GPCPD1: variants seen among roughly 807,000 people sequenced by gnomAD.
The protein encoded by GPCPD1 is glycerophosphocholine phosphodiesterase 1.
A neutral mutation model predicts 89.2 loss-of-function variants in GPCPD1; 29 were observed. The ratio of observed to expected loss-of-function variants is 0.33; its 90% CI spans 0.24 to 0.44. The LOEUF (loss-of-function observed/expected upper bound fraction) is 0.44. Among genes scored for constraint, GPCPD1 ranks in the 20% least tolerant of loss-of-function variants. GPCPD1 has a pLI of 1.00. For synonymous variants in GPCPD1, 258 were observed against 266.3 expected (o/e 0.97, Z 0.30); for missense variants, 594 against 808.9 (o/e 0.73, Z 3.22).
At chr20:5,605,108 T>C (rs1980489463) in intron 1 of GPCPD1, among the ~76,000 whole-genome samples, 2 of 152,176 alleles carry the variant, frequency 1.3e-5, no homozygotes, top group Admixed American at 1.3e-4. Flanking sequence ...GTTTGAAGCC[T>C]AGTGCTACAA....
intron 19 of GPCPD1, among the ~76,000 whole-genome samples, chr20:5,555,945 A>C (rs1042391192): frequency 1.3e-5 from 2 of 152,194 alleles, no homozygotes; most frequent in Non-Finnish European, 2.9e-5. Flanking sequence ...ATTGTGTAAA[A>C]GGAAGAGTCC....
intron 11 of GPCPD1, among the ~76,000 whole-genome samples, chr20:5,571,593 T>A (rs1427803241): frequency 6.6e-6 from 1 of 152,084 alleles, no homozygotes; most frequent in Non-Finnish European, 1.5e-5. Context: ...CTTAATGAAA[T>A]CCTCTCTCAA....
At chr20:5,581,865 G>A (rs113083128) in intron 6 of GPCPD1, among the ~76,000 whole-genome samples, 6 of 114,958 alleles carry the variant, frequency 5.2e-5, no homozygotes, top group African/African-American at 2.2e-4. Flanking sequence ...AGACAAGTGA[G>A]ACCATGCATT....
chr20:5,597,901 A>G (rs1979843714), intron 3 of GPCPD1, among the ~76,000 whole-genome samples: 1 of 152,216 alleles, frequency 6.6e-6, no homozygotes, highest in Non-Finnish European at 1.5e-5. Flanking sequence ...AAGCTATCTA[A>G]GTATGTGTTC....
At chr20:5,571,646 C>T (rs946671429) in intron 11 of GPCPD1, among the ~76,000 whole-genome samples, 3 of 152,274 alleles carry the variant, frequency 2.0e-5, no homozygotes, top group African/African-American at 7.2e-5. Flanking sequence ...CAGTGGCTCA[C>T]GCCTATAATG....
At chr20:5,595,646 A>G (rs1426140641) in intron 3 of GPCPD1, among the ~76,000 whole-genome samples, 1 of 126,880 alleles carries the variant, frequency 7.9e-6, no homozygotes, top group African/African-American at 4.2e-5. Flanking sequence ...ATCTCAAAAC[A>G]AAAACAAAAA....
chr20:5,567,206 T>A (rs1415065232), intron 13 of GPCPD1, among the ~76,000 whole-genome samples: 2 of 152,202 alleles, frequency 1.3e-5, no homozygotes, highest in East Asian at 3.8e-4. Flanking sequence ...CTAAAGATTA[T>A]GAATGAGAAG....
chr20:5,610,645 C>T (rs1171769784), intron 1 of GPCPD1, among the ~76,000 whole-genome samples, 197 bp downstream of exon 1: 1 of 151,950 alleles, frequency 6.6e-6, no homozygotes, highest in Admixed American at 6.6e-5. Flanking sequence ...TCGAAGAGTG[C>T]GTCCCAGCCA....
At chr20:5,562,841 C>T (rs1443572265) in intron 15 of GPCPD1, among the ~76,000 whole-genome samples, 2 of 152,054 alleles carry the variant, frequency 1.3e-5, no homozygotes, top group African/African-American at 2.4e-5. Flanking sequence ...ACTTATTTAA[C>T]GTATCTGTCA....
rs531443755 is a variant in GPCPD1, at chr20:5,566,713, G to C, written c.1267+20C>G. The C allele has an allele frequency of 7.0e-7, 1 of 1,438,614 alleles. No homozygotes were observed. The highest frequency in any genetic ancestry group is 1.1e-5 in the South Asian group (1 of 87,126). The allele number at this position is 1,438,614 out of a possible 1,614,324, so 89.1% of individuals were successfully genotyped here. A position where few individuals can be genotyped will look rare whatever the true frequency, so the allele number is the denominator to read the frequency against. ...ATGCTAACTACAAAAGGAAAACAGT[G>C]TTTCCATATTGGTACATACCTTTCC... On this transcript the variant is annotated intron_variant, in intron 14 of 19. Transcript: ENST00000379019.
intron 6 of GPCPD1, among the ~76,000 whole-genome samples, chr20:5,582,103 G>A (rs1286478974): frequency 5.7e-5 from 8 of 140,218 alleles, no homozygotes; most frequent in African/African-American, 2.1e-4. Flanking sequence ...GGAGAATGGC[G>A]TGAACCCGGG....
intron 3 of GPCPD1, 148 bp downstream of exon 3, chr20:5,598,577 T>C: frequency 1.9e-6 from 1 of 517,982 alleles, no homozygotes; most frequent in East Asian, 3.1e-5. Context: ...ACAAATTTTG[T>C]AAAATTATTT....
chr20:5,581,814 C>CTTTTTTTTTTTT lies in GPCPD1; in HGVS notation c.350-1695_350-1684dup, dbSNP rs11479995. ...ATGCTTAATAATTGTGGGACTTTAACTTTTTTTTTTTTTTTTTTTTTTTTT... is the reference window on the plus strand; with the variant it reads ...ATGCTTAATAATTGTGGGACTTTAACTTTTTTTTTTTTTTTTTTTTTTTTTTTTTTTTTTTTT... On this transcript the variant is annotated intron_variant, in intron 6 of 19. Coordinates refer to ENST00000379019, the MANE Select transcript of GPCPD1 (RefSeq NM_019593.5). Among the ~76,000 whole-genome samples, 47 of 75,024 alleles carry CTTTTTTTTTTTT rather than the reference C, an allele frequency of 6.3e-4. 6 individuals are homozygous for CTTTTTTTTTTTT. Among genetic ancestry groups the CTTTTTTTTTTTT allele is most frequent in the African/African-American group, 2.9e-3 (38 of 13,090 alleles). The allele number at this position is 75,024 out of a possible 152,430, so 49.2% of individuals were successfully genotyped here. A position where few individuals can be genotyped will look rare whatever the true frequency, so the allele number is the denominator to read the frequency against.
chr20:5,602,591 A>G (rs1010647909), intron 2 of GPCPD1, among the ~76,000 whole-genome samples: 1 of 152,238 alleles, frequency 6.6e-6, no homozygotes, highest in Non-Finnish European at 1.5e-5. Context: ...ATGTAGTGTG[A>G]GTCATTCACT....
intron 8 of GPCPD1, among the ~76,000 whole-genome samples, chr20:5,577,296 C>G (rs1978294083): frequency 6.6e-6 from 1 of 151,714 alleles, no homozygotes; most frequent in South Asian, 2.1e-4. Flanking sequence ...GCTGGGATTA[C>G]AAGCATGAGC....
At chr20:5,549,325 G>A (rs2122517377) in intron 19 of GPCPD1, 1 of 1,052,298 alleles carries the variant, frequency 9.5e-7, no homozygotes, top group Non-Finnish European at 1.5e-6. Context: ...TAGCAGTATG[G>A]ACTACTGAAT....
At chr20:5,580,204 C>A in intron 6 of GPCPD1, 73 bp from the exon 7 acceptor site, 1 of 726,460 alleles carries the variant, frequency 1.4e-6, no homozygotes, top group Admixed American at 2.6e-5. Context: ...TACCTATAGG[C>A]ATTGATAATT....
chr20:5,552,754 T>A (rs753555385), intron 19 of GPCPD1, among the ~76,000 whole-genome samples: 27 of 152,186 alleles, frequency 1.8e-4, no homozygotes, highest in Non-Finnish European at 2.6e-4. Flanking sequence ...GTAGGTAGGA[T>A]TTACTTGGAC....
At chr20:5,561,129 A>C (rs1253146537) in intron 16 of GPCPD1, among the ~76,000 whole-genome samples, 6 of 152,262 alleles carry the variant, frequency 3.9e-5, no homozygotes, top group Admixed American at 3.9e-4. Flanking sequence ...AAAATTATTT[A>C]AAACATTCTT....
Sources: allele counts gnomAD v4.1 joint callset (sites outside exome capture counted in the v4.1 genomes callset), GRCh38; gene constraint gnomAD v4.1.1; transcripts MANE v1.5; gene names NCBI Gene and HGNC (gene_info 2026-07-23, HGNC 2026-07-21).